Variants in AMOTL1 observed in about 807,000 individuals in gnomAD.
AMOTL1 encodes the protein angiomotin like 1.
Under a neutral mutation model 102.9 loss-of-function variants are expected in AMOTL1, and 45 were observed. That is an observed-to-expected ratio of 0.44 (90% CI 0.34 to 0.56). The LOEUF (loss-of-function observed/expected upper bound fraction) is 0.56, where lower values mean the gene tolerates loss of function less well. Among genes scored for constraint, AMOTL1 ranks in the 20% least tolerant of loss-of-function variants. The pLI is 0.01. For synonymous variants in AMOTL1, 481 were observed against 484.7 expected, an observed-to-expected ratio of 0.99 and a Z score of 0.10; for missense variants, 1,114 against 1,225.6, an observed-to-expected ratio of 0.91 and a Z score of 1.36.
chr11:94,770,449 G>A (rs376972281), intron 1 of AMOTL1, among the ~76,000 whole-genome samples: 11 of 151,972 alleles, frequency 7.2e-5, no homozygotes, highest in African/African-American at 2.4e-4. Context: ...CCTTATGATG[G>A]TGGTGGGGGT....
intron 11 of AMOTL1, 72 bp downstream of exon 11, chr11:94,866,240 C>A: frequency 6.9e-7 from 1 of 1,441,518 alleles, no homozygotes; most frequent in Non-Finnish European, 9.6e-7. Context: ...ACTCATGGGA[C>A]ACGGAAATGT....
At chr11:94,762,093 T>C (rs1003599190) in intron 3 of AMOTL1, among the ~76,000 whole-genome samples, 16 of 152,194 alleles carry the variant, frequency 1.1e-4, no homozygotes, top group African/African-American at 3.9e-4. Flanking sequence ...GAAACAAAAA[T>C]GTGTCTATAT....
At position 94,821,567 on chromosome 11, in the gene AMOTL1, C is replaced by G. The variant is rs1951866124; in HGVS notation, c.1159C>G (p.Gln387Glu). The change falls in exon 4 of 13, where the codon CAG becomes GAG. Residue 387 changes from glutamine to glutamate, a missense_variant. Physicochemically the swap from Gln to Glu is conservative, Grantham distance 29 (BLOSUM62 2). Transcript: ENST00000433060. ...ACTTCCGTTCCCATCAACCATGCAG[C>G]AGCACAGCCCCATGTCCTCCCAGAC... ...CQLPFPSTMQQHSPMSSQTSS... is the reference protein window; with the variant it reads ...CQLPFPSTMQEHSPMSSQTSS... 1.9e-6 allele frequency: 3 copies of G among 1,613,898 alleles called. No individual in the cohort carries two copies. Among genetic ancestry groups the G allele is most frequent in the Non-Finnish European group, 2.5e-6 (3 of 1,179,860 alleles).
At chr11:94,721,067 A>C (rs1950168030) in intron 1 of AMOTL1, among the ~76,000 whole-genome samples, 1 of 152,160 alleles carries the variant, frequency 6.6e-6, no homozygotes, top group Non-Finnish European at 1.5e-5. Flanking sequence ...CAATTCCAAA[A>C]GCCTTTTCTG....
chr11:94,822,349 C>T (rs1286088642), intron 4 of AMOTL1, among the ~76,000 whole-genome samples: 1 of 152,130 alleles, frequency 6.6e-6, no homozygotes, highest in Non-Finnish European at 1.5e-5. Context: ...ATCACATGAG[C>T]TTGGGAAGCA....
In AMOTL1 at chr11:94,869,290, A is replaced by G; in HGVS notation, c.2581A>G (p.Thr861Ala). ...AGCACTGTCCTCCATAGCCTCCACT[A>G]CGGCAGCCAGCAGTGCCCACGCCAA... Reference protein sequence around the residue: ...TSALSSIASTTAASSAHAKTG... With the variant: ...TSALSSIASTAAASSAHAKTG... The change falls in exon 12 of 13, where the codon ACG becomes GCG. Residue 861 changes from threonine to alanine, a missense_variant. Coordinates refer to ENST00000433060, the MANE Select transcript of AMOTL1 (RefSeq NM_130847.3). 1 of 1,612,750 alleles carries G rather than the reference A, an allele frequency of 6.2e-7. No individual in the cohort carries two copies. Among genetic ancestry groups the G allele is most frequent in the Non-Finnish European group, 8.5e-7 (1 of 1,179,520 alleles).
At chr11:94,738,821 A>C (rs1281804798) in intron 2 of AMOTL1, among the ~76,000 whole-genome samples, 1 of 152,222 alleles carries the variant, frequency 6.6e-6, no homozygotes. Context: ...TCAAGGACAC[A>C]TTGGATTAAA....
At chr11:94,844,075 T>A (rs888433395) in intron 6 of AMOTL1, among the ~76,000 whole-genome samples, 2 of 152,180 alleles carry the variant, frequency 1.3e-5, no homozygotes, top group African/African-American at 4.8e-5. Context: ...TCCCAGAGAC[T>A]GTCCTCTAAA....
chr11:94,712,198 A>G lies in AMOTL1; in HGVS notation c.-51+5601A>G, dbSNP rs186014606. 8.5e-5 allele frequency among the ~76,000 whole-genome samples: 13 copies of G among 152,144 alleles called. No homozygotes were observed. The East Asian group carries it at 2.1e-3, about 25-fold the overall frequency. On this transcript the variant is annotated intron_variant, in intron 1 of 4. Transcript: ENST00000299004. ...ATTTGTGTTTGCGTAATGGGCAATG[A>G]TGCTGACCATCTTTTCATGTTATCA...
rs1168908050 is a variant in AMOTL1, at chr11:94,864,719, A to G, written c.2136-16A>G. On this transcript the variant is annotated splice_polypyrimidine_tract_variant and intron_variant, in intron 9 of 12. Transcript: ENST00000433060. ...GAAGGTTTCCTATGATCAAACGCAT[A>G]TCCTTGTGTTGCCAGGGACACCACG... The G allele has an allele frequency of 6.8e-6, 11 of 1,611,622 alleles. No homozygotes were observed. Among genetic ancestry groups the G allele is most frequent in the Non-Finnish European group, 9.3e-6 (11 of 1,178,560 alleles).
intron 3 of AMOTL1, among the ~76,000 whole-genome samples, chr11:94,760,984 G>C (rs986298948): frequency 6.6e-6 from 1 of 151,934 alleles, no homozygotes; most frequent in Non-Finnish European, 1.5e-5. Context: ...GTGTTGCTCA[G>C]GCTGGTCTTG....
In AMOTL1 at chr11:94,800,030, C is replaced by A. The variant is rs75684892; in HGVS notation, c.840C>A (p.Pro280=). ...GGAATGGGGCCAAGCAACACCTTCC[C>A]GGCTCGGGGAATGGAAAGGGCTTCA... is the stretch of plus-strand genomic sequence containing the variant. ...LERNGAKQHL[P]GSGNGKGFKV... is the part of the protein sequence containing the mutation. Residue 280 remains proline (P), a synonymous_variant, in exon 3 of 13, where the codon CCC becomes CCA. Coordinates refer to ENST00000433060, the MANE Select transcript of AMOTL1 (RefSeq NM_130847.3). The A allele has an allele frequency of 1.7e-5, 27 of 1,613,912 alleles. No homozygotes were observed. The South Asian group carries it at 3.0e-4, about 18-fold the overall frequency.
At chr11:94,712,964 A>G (rs1198268258) in intron 1 of AMOTL1, among the ~76,000 whole-genome samples, 1 of 151,944 alleles carries the variant, frequency 6.6e-6, no homozygotes, top group Non-Finnish European at 1.5e-5. Context: ...ATAGTTTTAT[A>G]CTTCACATTT....
At chr11:94,868,789 G>A (rs1952933232) in intron 11 of AMOTL1, among the ~76,000 whole-genome samples, 1 of 152,074 alleles carries the variant, frequency 6.6e-6, no homozygotes, top group Admixed American at 6.5e-5. Flanking sequence ...CAGCAAGCAT[G>A]GTCTCTGGAA....
Position 94,869,291 on chromosome 11 carries a change from C to T in AMOTL1, c.2582C>T (p.Thr861Met), listed in dbSNP as rs764026403. The change falls in exon 12 of 13, where the codon ACG (threonine) becomes ATG (methionine). Residue 861 changes from threonine (T) to methionine (M), a missense_variant. Physicochemically the swap from Thr to Met is moderately conservative, Grantham distance 81. Transcript: ENST00000433060. ...TSALSSIAST[T>M]AASSAHAKTG... ...GCACTGTCCTCCATAGCCTCCACTACGGCAGCCAGCAGTGCCCACGCCAAG... is the reference window on the plus strand; with the variant it reads ...GCACTGTCCTCCATAGCCTCCACTATGGCAGCCAGCAGTGCCCACGCCAAG... The T allele has an allele frequency of 1.5e-5, 24 of 1,612,754 alleles. No individual in the cohort carries two copies. The highest frequency in any genetic ancestry group is 6.7e-5 in the East Asian group (3 of 44,858).
At chr11:94,848,714 T>C (rs1952470314) in intron 6 of AMOTL1, among the ~76,000 whole-genome samples, 1 of 152,232 alleles carries the variant, frequency 6.6e-6, no homozygotes, top group Non-Finnish European at 1.5e-5. Context: ...TGATGTTTCC[T>C]GTGATCCTTT....
intron 8 of AMOTL1, among the ~76,000 whole-genome samples, chr11:94,856,635 G>A (rs1009612693): frequency 4.6e-5 from 7 of 152,110 alleles, no homozygotes; most frequent in African/African-American, 1.4e-4. Flanking sequence ...AGCAGCCTCG[G>A]GAAAGACTTC....
chr11:94,789,023 ACCCCAC>A (rs1427196957), intron 1 of AMOTL1, among the ~76,000 whole-genome samples: 1 of 151,992 alleles, frequency 6.6e-6, no homozygotes, highest in Non-Finnish European at 1.5e-5. Context: ...AATCTTGTAA[ACCCCAC>A]CCCTCAACCC....
intron 2 of AMOTL1, among the ~76,000 whole-genome samples, chr11:94,732,839 C>T (rs962779111): frequency 7.2e-5 from 11 of 152,140 alleles, no homozygotes; most frequent in Middle Eastern, 3.2e-3. Flanking sequence ...GGCCTGGCAG[C>T]GTGGGCCAGG....
Sources: gnomAD v4.1 joint callset for allele counts (sites outside exome capture counted in the v4.1 genomes callset) on GRCh38, gnomAD v4.1.1 for gene constraint, MANE v1.5 for transcripts, NCBI Gene and HGNC (gene_info 2026-07-23, HGNC 2026-07-21) for gene names.